Variants in PLK4 observed in about 807,000 individuals in gnomAD.
The protein encoded by PLK4 is serine/threonine-protein kinase PLK4.
Under a neutral mutation model 103.0 loss-of-function variants are expected in PLK4, and 51 were observed. The observed-to-expected ratio is 0.50, with a 90% CI of 0.40 to 0.63. The LOEUF (loss-of-function observed/expected upper bound fraction) is 0.63. PLK4 is among the 20% of genes least tolerant of loss of function. PLK4 has a pLI of 0.00. For synonymous variants in PLK4, 389 were observed against 376.8 expected, an observed-to-expected ratio of 1.03 and a Z score of -0.38; for missense variants, 1,054 against 1,151.0, an observed-to-expected ratio of 0.92 and a Z score of 1.22.
At chr4:127,897,514 GA>G (rs1190800441) in intron 15 of PLK4, among the ~76,000 whole-genome samples, 1 of 152,178 alleles carries the variant, frequency 6.6e-6, no homozygotes, top group Non-Finnish European at 1.5e-5. Flanking sequence ...TCTTTTATGA[GA>G]AGTGCTTATT....
chr4:127,886,776 C>G (rs751221778), intron 5 of PLK4, 48 bp downstream of exon 5: 9 of 1,175,138 alleles, frequency 7.7e-6, no homozygotes, highest in Non-Finnish European at 1.1e-5. Flanking sequence ...TAACATTATA[C>G]TAGTATAAAT....
intron 2 of PLK4, among the ~76,000 whole-genome samples, chr4:127,883,023 T>G (rs368464031): frequency 4.8e-4 from 73 of 152,280 alleles, no homozygotes; most frequent in Middle Eastern, 3.4e-3. Context: ...TTAGGCTAGT[T>G]GTGCTATTAG....
intron 13 of PLK4, 92 bp from the exon 14 acceptor site, chr4:127,894,861 C>CT (rs1161841191): frequency 1.3e-6 from 1 of 782,304 alleles, no homozygotes; most frequent in African/African-American, 1.8e-5. Flanking sequence ...AAAAATTAAG[C>CT]TAATGAAAAA....
rs141148098 is a variant in PLK4 at position 127,883,512 on chromosome 4, G to A, written c.296G>A (p.Arg99Lys). ...LEMCHNGEMN[R>K]YLKNRVKPFS... is the part of the protein sequence containing the mutation. ...ATGTGCCATAATGGAGAAATGAACAGGTATCTAAAGAATAGAGTGAAACCC... is the reference window on the plus strand; with the variant it reads ...ATGTGCCATAATGGAGAAATGAACAAGTATCTAAAGAATAGAGTGAAACCC... Residue 99 changes from arginine (R) to lysine (K), a missense_variant, in exon 4 of 16, where the codon AGG becomes AAG. Physicochemically the swap from Arg to Lys is conservative, Grantham distance 26. This residue lies in a region of PLK4 where 199 missense variants were observed against 270.1 expected (regional missense o/e 0.74). Coordinates refer to ENST00000270861, the MANE Select transcript of PLK4 (RefSeq NM_014264.5). 1 of 1,547,224 alleles carries A rather than the reference G, an allele frequency of 6.5e-7. No homozygotes were observed. Among genetic ancestry groups the A allele is most frequent in the Non-Finnish European group, 8.9e-7 (1 of 1,120,214 alleles).
rs764865978 is a variant in PLK4, at chr4:127,886,552, T to C, written c.1182T>C (p.Tyr394=). The stretch of plus-strand genomic sequence containing the variant: ...ATAGTCAGTCTCAAGCAAAAACATA[T>C]ACAATGGAACGATGTCACTCAGCAG... ...TSNSQSQAKT[Y]TMERCHSAEM... is the part of the protein sequence containing the mutation. Residue 394 remains tyrosine (Y), a synonymous_variant, in exon 5 of 16, where the codon TAT becomes TAC. Coordinates refer to ENST00000270861, the MANE Select transcript of PLK4 (RefSeq NM_014264.5). 25 of 1,613,894 alleles carry C rather than the reference T, an allele frequency of 1.5e-5. No homozygotes were observed. The highest frequency in any genetic ancestry group is 1.8e-5 in the Non-Finnish European group (21 of 1,179,974).
rs767718460 is a variant in PLK4 at position 127,889,992 on chromosome 4, A to G, written c.1586A>G (p.Asp529Gly). 1.1e-5 allele frequency: 17 copies of G among 1,614,114 alleles called. No homozygotes were observed. The highest frequency in any genetic ancestry group is 1.4e-5 in the Non-Finnish European group (17 of 1,179,952). ...WTDTKVKKNSDASDNAHSVKQ... is the reference protein window; with the variant it reads ...WTDTKVKKNSGASDNAHSVKQ... Reference sequence around the variant, plus strand: ...GATACAAAAGTCAAAAAGAACTCTGATGCTTCTGATAATGCACATTCTGTA... The same window carrying G: ...GATACAAAAGTCAAAAAGAACTCTGGTGCTTCTGATAATGCACATTCTGTA... The change falls in exon 7 of 16, where the codon GAT (aspartate) becomes GGT (glycine). Residue 529 changes from aspartate to glycine, a missense_variant. Physicochemically the swap from Asp to Gly is moderately conservative, Grantham distance 94. Transcript: ENST00000270861.
At position 127,890,181 on chromosome 4, in the gene PLK4, C is replaced by T. The variant is rs141081905; in HGVS notation, c.1775C>T (p.Ser592Phe). Residue 592 changes from serine (S) to phenylalanine (F), a missense_variant, in exon 7 of 16, where the codon TCT (serine) becomes TTT (phenylalanine). Transcript: ENST00000270861. Reference protein sequence around the residue: ...YQNRTLRSITSPLVAHRLKPI... With the variant: ...YQNRTLRSITFPLVAHRLKPI... Reference sequence around the variant, plus strand: ...AATCGTACATTAAGAAGCATTACATCTCCGTTGGTTGCTCACAGGTTAAAA... The same window carrying T: ...AATCGTACATTAAGAAGCATTACATTTCCGTTGGTTGCTCACAGGTTAAAA... 1.3e-4 allele frequency: 203 copies of T among 1,613,484 alleles called. No individual in the cohort carries two copies. The African/African-American group carries it at 2.3e-3, about 18-fold the overall frequency.
intron 10 of PLK4, 66 bp downstream of exon 10, chr4:127,892,580 G>T: frequency 7.6e-7 from 1 of 1,311,858 alleles, no homozygotes; most frequent in Non-Finnish European, 1.1e-6. Flanking sequence ...CGTATATGTG[G>T]GTTTTTAAAA....
rs746305769 is a variant in PLK4, at chr4:127,886,089, A to C, written c.719A>C (p.Asp240Ala). Residue 240 changes from aspartate (D) to alanine (A), a missense_variant, in exon 5 of 16, where the codon GAC becomes GCC. Physicochemically the swap from Asp to Ala is moderately radical, Grantham distance 126. Transcript: ENST00000270861. ...MPSFLSIEAK[D>A]LIHQLLRRNP... The stretch of plus-strand genomic sequence containing the variant: ...TCTTTTTTGTCAATAGAGGCCAAGG[A>C]CCTTATTCACCAGTTACTTCGTAGA... 1 of 1,614,192 alleles carries C rather than the reference A, an allele frequency of 6.2e-7. No homozygotes were observed. The highest frequency in any genetic ancestry group is 1.1e-5 in the South Asian group (1 of 91,080).
Position 127,891,666 on chromosome 4 carries a change from T to C in PLK4, c.2023T>C (p.Phe675Leu). The change falls in exon 9 of 16, where the codon TTT becomes CTT. Residue 675 changes from phenylalanine to leucine, a missense_variant. Physicochemically the swap from Phe to Leu is conservative, Grantham distance 22. Coordinates refer to ENST00000270861, the MANE Select transcript of PLK4 (RefSeq NM_014264.5). Reference protein sequence around the residue: ...SPTDNISRYSFDNLPEKYWRK... With the variant: ...SPTDNISRYSLDNLPEKYWRK... Reference sequence around the variant, plus strand: ...TACTGACAACATCAGTAGGTACAGCTTTGACAATTTACCAGGTATGTGAAT... The same window carrying C: ...TACTGACAACATCAGTAGGTACAGCCTTGACAATTTACCAGGTATGTGAAT... 1 of 1,455,972 alleles carries C rather than the reference T, an allele frequency of 6.9e-7. No individual in the cohort carries two copies. Among genetic ancestry groups the C allele is most frequent in the Non-Finnish European group, 9.3e-7 (1 of 1,078,558 alleles). The allele number at this position is 1,455,972 out of a possible 1,614,324, so 90.2% of individuals were successfully genotyped here.
At chr4:127,895,117 A>G (rs761587514) in intron 14 of PLK4, 24 bp downstream of exon 14, 8 of 1,490,996 alleles carry the variant, frequency 5.4e-6, no homozygotes, top group Admixed American at 2.2e-5. Context: ...AGTACAGTGC[A>G]TTTTCTCAGT....
At chr4:127,887,124 T>C (rs911766762) in intron 5 of PLK4, among the ~76,000 whole-genome samples, 23 of 152,154 alleles carry the variant, frequency 1.5e-4, no homozygotes, top group African/African-American at 5.6e-4. Context: ...TATTGTGTGT[T>C]TTTTTTCTTT....
Position 127,881,015 on chromosome 4 carries a change from G to A in PLK4, c.-120G>A. The A allele has an allele frequency of 1.8e-6, 2 of 1,129,122 alleles. No homozygotes were observed. 69.9% of individuals were successfully genotyped at this position (1,129,122 alleles called of 1,614,324 possible). A position where few individuals can be genotyped will look rare whatever the true frequency, so the allele number is the denominator to read the frequency against. ...CGTGGTTTCAGCGTCGTCGCCTGGA[G>A]CGGCGGTTTAGAGAGCCGAGCCTGA... On this transcript the variant is annotated 5_prime_UTR_variant, in exon 1 of 16. Transcript: ENST00000270861.
chr4:127,881,744 A>T (rs1477117063), intron 1 of PLK4, 87 bp from the exon 2 acceptor site: 2 of 810,578 alleles, frequency 2.5e-6, no homozygotes, highest in Non-Finnish European at 4.1e-6. Context: ...TCCCCACTCG[A>T]TCCATTTTAT....
At position 127,881,943 on chromosome 4, in the gene PLK4, C is replaced by T; in HGVS notation, c.126+17C>T. 2 of 1,335,476 alleles carry T rather than the reference C, an allele frequency of 1.5e-6. No homozygotes were observed. Among genetic ancestry groups the T allele is most frequent in the South Asian group, 1.2e-5 (1 of 85,484 alleles). 82.7% of individuals were successfully genotyped at this position (1,335,476 alleles called of 1,614,324 possible). On this transcript the variant is annotated intron_variant, in intron 2 of 15. Transcript: ENST00000270861. ...ATCAAAATGGTAAGAATAAACTAAT[C>T]AACTTCTCTCCTGTACTTTGCAAGT... is the stretch of plus-strand genomic sequence containing the variant.
In PLK4 at chr4:127,881,071, C is replaced by A; in HGVS notation, c.-64C>A. The stretch of plus-strand genomic sequence containing the variant: ...GCCAAGGCCGGCTGGCTGCTTGGAG[C>A]GCTGCCTCGAAGGGACTGCGTGAAG... On this transcript the variant is annotated 5_prime_UTR_variant, in exon 1 of 16. Transcript: ENST00000270861. 1 of 1,582,744 alleles carries A rather than the reference C, an allele frequency of 6.3e-7. No homozygotes were observed. Among genetic ancestry groups the A allele is most frequent in the East Asian group, 2.2e-5 (1 of 44,656 alleles).
chr4:127,892,269 G>A lies in PLK4; in HGVS notation c.2039-96G>A, dbSNP rs539850242. ...CTCTTAGAAAAGAATAAGAAAACCT[G>A]TCTAATGTAACCCTATTAGAAATCA... On this transcript the variant is annotated intron_variant, in intron 9 of 15. Transcript: ENST00000270861. The A allele has an allele frequency of 2.3e-5, 17 of 750,022 alleles. 1 individual carries two copies. The South Asian group carries it at 3.0e-4, about 13-fold the overall frequency. The allele number at this position is 750,022 out of a possible 1,614,324, so 46.5% of individuals were successfully genotyped here.
chr4:127,891,640 C>G lies in PLK4; in HGVS notation c.1997C>G (p.Pro666Arg). The change falls in exon 9 of 16, where the codon CCT (proline) becomes CGT (arginine). Residue 666 changes from proline (P) to arginine (R), a missense_variant. Coordinates refer to ENST00000270861, the MANE Select transcript of PLK4 (RefSeq NM_014264.5). ...CCTCTTGCTGATAGACCACCCTCAC[C>G]TACTGACAACATCAGTAGGTACAGC... ...GFPLADRPPS[P>R]TDNISRYSFD... is the part of the protein sequence containing the mutation. 6.5e-7 allele frequency: 1 copy of G among 1,548,636 alleles called. No homozygotes were observed. The highest frequency in any genetic ancestry group is 8.8e-7 in the Non-Finnish European group (1 of 1,140,140).
chr4:127,883,876 T>C (rs933338995), intron 4 of PLK4, among the ~76,000 whole-genome samples: 1 of 152,178 alleles, frequency 6.6e-6, no homozygotes, highest in African/African-American at 2.4e-5. Context: ...AAAGTAGTTC[T>C]AAATCAAGCA....
Sources: allele counts gnomAD v4.1 joint callset (sites outside exome capture counted in the v4.1 genomes callset), GRCh38; gene constraint gnomAD v4.1.1; regional missense constraint gnomAD v4.1.1; transcripts MANE v1.5; gene names NCBI Gene and HGNC (gene_info 2026-07-23, HGNC 2026-07-21).